The following PPP6R2 variants were observed in gnomAD, a reference collection of about 807,000 sequenced individuals.
PPP6R2 encodes serine/threonine-protein phosphatase 6 regulatory subunit 2.
Under a neutral mutation model 100.2 loss-of-function variants are expected in PPP6R2, and 62 were observed. That is an observed-to-expected ratio of 0.62 (90% confidence interval 0.50 to 0.76). The LOEUF (loss-of-function observed/expected upper bound fraction) is 0.76, where lower values mean the gene tolerates loss of function less well. PPP6R2 is among the 30% of genes least tolerant of loss of function. PPP6R2 has a pLI of 0.00. For missense variants in PPP6R2, 1,142 were observed against 1,276.3 expected (o/e 0.89, Z 1.60); for synonymous variants, 525 against 514.7 (o/e 1.02, Z -0.27).
In PPP6R2 at chr22:50,443,895, G is replaced by A; in HGVS notation, c.2609G>A (p.Ser870Asn). 1 of 1,587,564 alleles carries A rather than the reference G, an allele frequency of 6.3e-7. No individual in the cohort carries two copies. The highest frequency in any genetic ancestry group is 1.3e-5 in the African/African-American group (1 of 74,330). The stretch of plus-strand genomic sequence containing the variant: ...GGGTGTGCTGACAGCCGGCTGTTAA[G>A]CCCTGCCTGCCCCGCGCCAAAGGAA... ...RVGCADSRLL[S>N]PACPAPKEVT... The change falls in exon 23 of 24, where the codon AGC becomes AAC. Residue 870 changes from serine (S) to asparagine (N), a missense_variant. Around this residue, in one of 2 missense-constraint regions of PPP6R2, gnomAD observed 550 missense variants for 517.4 expected, o/e 1.06. Coordinates refer to ENST00000612753, the MANE Select transcript of PPP6R2 (RefSeq NM_001242898.2).
intron 8 of PPP6R2, among the ~76,000 whole-genome samples, chr22:50,421,682 G>A (rs766185065): frequency 2.0e-5 from 3 of 152,168 alleles, no homozygotes; most frequent in Non-Finnish European, 1.5e-5. Flanking sequence ...AGGCCAAGGC[G>A]GGTGGATCAC....
At chr22:50,357,705 C>T (rs867732360) in intron 1 of PPP6R2, among the ~76,000 whole-genome samples, 1 of 151,762 alleles carries the variant, frequency 6.6e-6, no homozygotes, top group Middle Eastern at 3.4e-3. Flanking sequence ...TCCACTGCAA[C>T]CTCCACCTCC....
chr22:50,442,405 G>GT (rs2065869121), intron 22 of PPP6R2, among the ~76,000 whole-genome samples: 1 of 152,256 alleles, frequency 6.6e-6, no homozygotes, highest in African/African-American at 2.4e-5. Flanking sequence ...TCTGCAGCAA[G>GT]TGGGGGGCAC....
chr22:50,339,806 G>A (rs541027954), upstream of PPP6R2, among the ~76,000 whole-genome samples: 115 of 121,386 alleles, frequency 9.5e-4, 2 homozygotes, highest in African/African-American at 3.8e-3. Flanking sequence ...TGGGGTATGT[G>A]TGTGTGGTGT....
chr22:50,392,833 C>CT (rs1445065968), intron 2 of PPP6R2, among the ~76,000 whole-genome samples: 1 of 152,126 alleles, frequency 6.6e-6, no homozygotes, highest in Non-Finnish European at 1.5e-5. Flanking sequence ...GTCAGGGGTC[C>CT]TAGGGCATCA....
At chr22:50,340,070 T>TGTGTGTGTG (rs1377233007), upstream of PPP6R2, among the ~76,000 whole-genome samples, 1 of 112,254 alleles carries the variant, frequency 8.9e-6, no homozygotes, top group Admixed American at 9.1e-5. Context: ...TGGTGTGTGA[T>TGTGTGTGTG]GTGTGTGTGG....
chr22:50,440,703 G>A (rs2065382403), intron 21 of PPP6R2, 119 bp from the exon 22 acceptor site: 1 of 1,155,544 alleles, frequency 8.7e-7, no homozygotes, highest in Admixed American at 1.9e-5. Flanking sequence ...ACAGGCACAT[G>A]TGTGCAGGCA....
intron 1 of PPP6R2, among the ~76,000 whole-genome samples, chr22:50,343,869 G>T (rs1217018426): frequency 9.9e-5 from 1 of 10,064 alleles, no homozygotes; most frequent in Non-Finnish European, 1.6e-4. Context: ...CCCAGTCAGT[G>T]CCCCCCAGTC....
chr22:50,402,960 C>T (rs1461315622), intron 3 of PPP6R2, among the ~76,000 whole-genome samples: 1 of 152,166 alleles, frequency 6.6e-6, no homozygotes, highest in South Asian at 2.1e-4. Context: ...CGCCTGTAAT[C>T]CCAGCACTTT....
At chr22:50,432,612 T>C (rs145785259) in intron 12 of PPP6R2, among the ~76,000 whole-genome samples, 18 of 152,352 alleles carry the variant, frequency 1.2e-4, no homozygotes, top group African/African-American at 4.3e-4. Flanking sequence ...CTTTGCCCTC[T>C]TGTGGGTCCG....
chr22:50,337,719 G>C, the PPP6R2 span, among the ~76,000 whole-genome samples: 14 of 145,718 alleles, frequency 9.6e-5, no homozygotes, highest in African/African-American at 3.3e-4. Flanking sequence ...TGGTATATGT[G>C]TACTGTGTGG....
At chr22:50,439,671 C>G (rs149479606) in intron 19 of PPP6R2, 30 bp from the exon 20 acceptor site, 2 of 1,532,718 alleles carry the variant, frequency 1.3e-6, no homozygotes, top group African/African-American at 2.7e-5. Context: ...GGCCTGCCCA[C>G]GCCTGACCAC....
chr22:50,392,087 T>C (rs1230413875), intron 2 of PPP6R2: 2 of 152,150 alleles, frequency 1.3e-5, no homozygotes, highest in African/African-American at 4.8e-5. Context: ...AGCCATCTTT[T>C]CCTGAAAGTC....
At chr22:50,387,011 T>C (rs1438768150) in intron 2 of PPP6R2, among the ~76,000 whole-genome samples, 1 of 152,166 alleles carries the variant, frequency 6.6e-6, no homozygotes, top group East Asian at 1.9e-4. Flanking sequence ...CTTACTACTG[T>C]TTTTGGGAAG....
chr22:50,444,385 G>T lies in PPP6R2; in HGVS notation c.*138G>T. The stretch of plus-strand genomic sequence containing the variant: ...TGCTGCATTGGTAAAGCTGGCAGTT[G>T]AAACCAGTTGGACGGCCCAGCTTGC... On this transcript the variant is annotated 3_prime_UTR_variant, in exon 24 of 24. Coordinates refer to ENST00000612753, the MANE Select transcript of PPP6R2 (RefSeq NM_001242898.2). 8.5e-7 allele frequency: 1 copy of T among 1,182,386 alleles called. No homozygotes were observed. 73.2% of individuals were successfully genotyped at this position (1,182,386 alleles called of 1,614,324 possible). A position where few individuals can be genotyped will look rare whatever the true frequency, so the allele number is the denominator to read the frequency against.
chr22:50,347,389 ACTCGT>A (rs1159801282), intron 1 of PPP6R2, among the ~76,000 whole-genome samples: 8 of 149,470 alleles, frequency 5.4e-5, no homozygotes. Context: ...TTCCAACACT[ACTCGT>A]CTTTTCCTGT....
In PPP6R2 at chr22:50,431,393, G is replaced by C. The variant is rs369295683; in HGVS notation, c.1335+11G>C. 1 of 1,609,876 alleles carries C rather than the reference G, an allele frequency of 6.2e-7. No individual in the cohort carries two copies. The highest frequency in any genetic ancestry group is 1.3e-5 in the African/African-American group (1 of 74,894). On this transcript the variant is annotated intron_variant, in intron 11 of 23. Transcript: ENST00000612753. This position sits in a 1 kb window ranked among gnomAD's most constrained non-coding sequence, Gnocchi z 4.8. ...ACAATGGTGACCCACGTGAGTCCAAGAAGCATCCATCTTATCAGCGCCAAC... is the reference window on the plus strand; with the variant it reads ...ACAATGGTGACCCACGTGAGTCCAACAAGCATCCATCTTATCAGCGCCAAC...
intron 8 of PPP6R2, among the ~76,000 whole-genome samples, chr22:50,421,251 G>A (rs2061293492): frequency 6.6e-6 from 1 of 152,202 alleles, no homozygotes; most frequent in East Asian, 1.9e-4. Context: ...CCACTTCTGA[G>A]GCCCAAGCTT....
the PPP6R2 span, among the ~76,000 whole-genome samples, chr22:50,333,173 T>TA: frequency 5.3e-5 from 8 of 151,974 alleles, no homozygotes; most frequent in South Asian, 2.1e-4. Flanking sequence ...GCACTTCTGT[T>TA]AAAAAAATCA....
Sources: gnomAD v4.1 joint callset for allele counts (sites outside exome capture counted in the v4.1 genomes callset) on GRCh38, gnomAD v4.1.1 for gene constraint, gnomAD v4.1.1 regional missense constraint, Gnocchi (gnomAD v3.1) non-coding constraint, MANE v1.5 for transcripts, NCBI Gene and HGNC (gene_info 2026-07-23, HGNC 2026-07-21) for gene names.